SLC44A5: variants seen among roughly 807,000 people sequenced by gnomAD.
SLC44A5 encodes the protein choline transporter-like protein 5.
In SLC44A5, 57 loss-of-function variants were observed where a neutral mutation model predicts 101.8. The observed-to-expected ratio is 0.56, with a 90% CI of 0.45 to 0.70. The LOEUF (loss-of-function observed/expected upper bound fraction) is 0.70, where lower values mean the gene tolerates loss of function less well. Ranked by LOEUF, SLC44A5 falls within the 30% of genes least tolerant of loss-of-function variation. The pLI is 0.00. For missense variants in SLC44A5, 737 were observed against 853.1 expected, an observed-to-expected ratio of 0.86 and a Z score of 1.70; for synonymous variants, 281 against 290.9, an observed-to-expected ratio of 0.97 and a Z score of 0.35.
Position 75,275,052 on chromosome 1 carries a change from C to A in SLC44A5, c.176-10G>T. ...TCCCCATGTACCCAGGCTGCAGGAA[C>A]AAGAAAGGACAAATATGCTATCAGC... On this transcript the variant is annotated splice_polypyrimidine_tract_variant and intron_variant, in intron 5 of 23. Transcript: ENST00000370859. The A allele has an allele frequency of 6.2e-7, 1 of 1,609,746 alleles. No individual in the cohort carries two copies. The highest frequency in any genetic ancestry group is 2.2e-5 in the East Asian group (1 of 44,806).
At chr1:75,623,318 A>T in the SLC44A5 span, among the ~76,000 whole-genome samples, 1 of 152,102 alleles carries the variant, frequency 6.6e-6, no homozygotes, top group Non-Finnish European at 1.5e-5. Flanking sequence ...TTAAAAAGAG[A>T]AATGAATGAC....
chr1:75,537,033 A>AATATATATATAT (rs61399659), intron 2 of SLC44A5, among the ~76,000 whole-genome samples: 3,473 of 42,362 alleles, frequency 0.082, 377 homozygotes, highest in East Asian at 0.25. Flanking sequence ...AAAAAAAAAA[A>AATATATATATAT]ATATATATCT....
intron 7 of SLC44A5, among the ~76,000 whole-genome samples, chr1:75,250,107 A>G (rs1308677493): frequency 6.6e-6 from 1 of 152,072 alleles, no homozygotes; most frequent in Non-Finnish European, 1.5e-5. Context: ...CCAGGTATTA[A>G]GCTTAGTATC....
the SLC44A5 span, chr1:75,677,696 A>G: frequency 2.4e-6 from 1 of 419,530 alleles, no homozygotes. Context: ...CTAAATGCAT[A>G]AAAAAAACAA....
intron 3 of SLC44A5, among the ~76,000 whole-genome samples, chr1:75,369,457 GAAGA>G (rs1660086337): frequency 2.0e-5 from 3 of 152,112 alleles, no homozygotes; most frequent in South Asian, 4.1e-4. Context: ...GAGGTGAGGA[GAAGA>G]AAGAATGCAT....
At chr1:75,464,440 A>T (rs570458919) in intron 2 of SLC44A5, among the ~76,000 whole-genome samples, 1 of 152,174 alleles carries the variant, frequency 6.6e-6, no homozygotes, top group Admixed American at 6.5e-5. Context: ...ATAAGCAAGA[A>T]ATTAAATCAC....
chr1:75,628,930 G>A, the SLC44A5 span, among the ~76,000 whole-genome samples: 1 of 152,118 alleles, frequency 6.6e-6, no homozygotes, highest in Non-Finnish European at 1.5e-5. Flanking sequence ...GGGGGGAAAA[G>A]TCCCATCTCA....
At chr1:75,599,930 C>G (rs999483102) in intron 1 of SLC44A5, among the ~76,000 whole-genome samples, 1 of 152,008 alleles carries the variant, frequency 6.6e-6, no homozygotes, top group East Asian at 1.9e-4. Flanking sequence ...AATGAAAAGC[C>G]ATTATTGGAT....
rs758357523 is a variant in SLC44A5 at position 75,222,439 on chromosome 1, T to C, written c.1007A>G (p.Glu336Gly). ...GATCAGCATGAGGATGACAATCACTTCAATGATGCAGAGTATTATCACTTT... is the reference window on the plus strand; with the variant it reads ...GATCAGCATGAGGATGACAATCACTCCAATGATGCAGAGTATTATCACTTT... ...FTFMIILCIIEVIVILMLIFL... is the reference protein window; with the variant it reads ...FTFMIILCIIGVIVILMLIFL... The change falls in exon 14 of 24, where the codon GAA (glutamate) becomes GGA (glycine). Residue 336 changes from glutamate to glycine, a missense_variant. Glu to Gly is a moderately conservative substitution (Grantham distance 98). This residue lies in a region of SLC44A5 where 665 missense variants were observed against 764.4 expected (regional missense o/e 0.87). Coordinates refer to ENST00000370859, the MANE Select transcript of SLC44A5 (RefSeq NM_001130058.2). The C allele has an allele frequency of 8.1e-6, 13 of 1,612,054 alleles. No homozygotes were observed. Among genetic ancestry groups the C allele is most frequent in the Non-Finnish European group, 8.5e-7 (1 of 1,178,798 alleles).
At chr1:75,484,935 C>A (rs1277187624) in intron 2 of SLC44A5, among the ~76,000 whole-genome samples, 1 of 152,236 alleles carries the variant, frequency 6.6e-6, no homozygotes, top group Non-Finnish European at 1.5e-5. Flanking sequence ...GGACACAGGG[C>A]ACCATGTCCA....
the SLC44A5 span, among the ~76,000 whole-genome samples, chr1:75,648,319 A>G: frequency 7.2e-5 from 11 of 152,184 alleles, no homozygotes; most frequent in African/African-American, 2.7e-4. Context: ...TGAGTCAATT[A>G]AATCTTTTTC....
chr1:75,634,082 T>C, the SLC44A5 span, among the ~76,000 whole-genome samples: 2 of 152,192 alleles, frequency 1.3e-5, no homozygotes, highest in Admixed American at 6.6e-5. Context: ...CAGTTGATCA[T>C]GGTGGATAAG....
intron 5 of SLC44A5, among the ~76,000 whole-genome samples, chr1:75,282,604 C>A (rs1378304302): frequency 2.0e-5 from 3 of 152,114 alleles, no homozygotes; most frequent in Non-Finnish European, 2.9e-5. Context: ...GTAATCCCCA[C>A]GTGTTGGGAG....
At chr1:75,461,421 T>C (rs1031200364) in intron 2 of SLC44A5, among the ~76,000 whole-genome samples, 2 of 152,194 alleles carry the variant, frequency 1.3e-5, no homozygotes, top group Non-Finnish European at 2.9e-5. Context: ...ATAATATTAT[T>C]AGTTCACTGG....
In SLC44A5 at chr1:75,312,530, C is replaced by A. The variant is rs547004145; in HGVS notation, c.102-11845G>T. Among the ~76,000 whole-genome samples, 506 of 151,952 alleles carry A rather than the reference C, an allele frequency of 3.3e-3. 10 individuals carry two copies. The South Asian group carries it at 0.046, about 14-fold the overall frequency. On this transcript the variant is annotated intron_variant, in intron 4 of 23. Coordinates refer to ENST00000370859, the MANE Select transcript of SLC44A5 (RefSeq NM_001130058.2). Reference sequence around the variant, plus strand: ...GCGGGGATGGGGGGTGTTACAGAAGCGAGTTTGGTTCTTTCCTGTCCTTCT... The same window carrying A: ...GCGGGGATGGGGGGTGTTACAGAAGAGAGTTTGGTTCTTTCCTGTCCTTCT...
intron 1 of SLC44A5, among the ~76,000 whole-genome samples, chr1:75,575,004 G>GTGAAGAGGGGTA: frequency 6.6e-6 from 1 of 152,282 alleles, no homozygotes; most frequent in African/African-American, 2.4e-5. Context: ...TCAAGGTCCA[G>GTGAAGAGGGGTA]TGAAGAGGGG....
chr1:75,237,021 C>T lies in SLC44A5; in HGVS notation c.706G>A (p.Glu236Lys). The change falls in exon 11 of 24, where the codon GAA (glutamate) becomes AAA (lysine). Residue 236 changes from glutamate to lysine, a missense_variant. Around this residue, in one of 3 missense-constraint regions of SLC44A5, gnomAD observed 665 missense variants for 764.4 expected, o/e 0.87. Transcript: ENST00000370859. The part of the protein sequence containing the change: ...DAKSLGLKVF[E>K]DYARTWYWIL... ...CAATACCAAGTTCTTGCATAGTCTT[C>T]AAACACTTTCAATCCAAGTGACTTT... 6.2e-7 allele frequency: 1 copy of T among 1,603,306 alleles called. No homozygotes were observed. Among genetic ancestry groups the T allele is most frequent in the Non-Finnish European group, 8.5e-7 (1 of 1,172,380 alleles).
intron 2 of SLC44A5, among the ~76,000 whole-genome samples, chr1:75,512,985 C>T (rs1041034626): frequency 1.3e-5 from 2 of 152,192 alleles, no homozygotes; most frequent in Admixed American, 6.5e-5. Flanking sequence ...TTGATTCTCA[C>T]AATGACTCTA....
chr1:75,641,833 C>T, the SLC44A5 span: 1 of 1,502,844 alleles, frequency 6.7e-7, no homozygotes, highest in Admixed American at 1.7e-5. Context: ...CCACTGGTTC[C>T]CTCAAAATAA....
Sources: gnomAD v4.1 joint callset for allele counts (sites outside exome capture counted in the v4.1 genomes callset) on GRCh38, gnomAD v4.1.1 for gene constraint, gnomAD v4.1.1 regional missense constraint, MANE v1.5 for transcripts, NCBI Gene and HGNC (gene_info 2026-07-23, HGNC 2026-07-21) for gene names.